THADA: variants seen among roughly 807,000 people sequenced by gnomAD.
THADA encodes the protein tRNA (32-2'-O)-methyltransferase regulator THADA.
In THADA, 213 loss-of-function variants were observed where a neutral mutation model predicts 219.8. The ratio of observed to expected loss-of-function variants is 0.97; its 90% confidence interval spans 0.87 to 1.09. THADA has a LOEUF of 1.09. Among genes scored for constraint, THADA ranks in the 50% least tolerant of loss-of-function variants. The pLI is 0.00. For synonymous variants in THADA, 1,018 were observed against 828.9 expected (o/e 1.23, Z -3.92); for missense variants, 2,956 against 2,311.3 (o/e 1.28, Z -5.72).
At chr2:43,530,820 C>A (rs1362751869) in intron 21 of THADA, among the ~76,000 whole-genome samples, 2 of 152,144 alleles carry the variant, frequency 1.3e-5, no homozygotes, top group Non-Finnish European at 2.9e-5. Flanking sequence ...AGAAGTATGA[C>A]CAGTGGGTGG....
chr2:43,264,288 CTTTTTTT>C (rs397868826), intron 36 of THADA, among the ~76,000 whole-genome samples: 1 of 141,174 alleles, frequency 7.1e-6, no homozygotes, highest in Admixed American at 7.2e-5. Context: ...TTTTTCTTTT[CTTTTTTT>C]TTTTTTTGAG....
At chr2:43,556,642 A>G (rs1316330864) in intron 16 of THADA, 87 bp from the exon 17 acceptor site, 2 of 1,277,044 alleles carry the variant, frequency 1.6e-6, no homozygotes, top group Non-Finnish European at 2.1e-6. Flanking sequence ...CACAGCCTGG[A>G]GCTGAGTACA....
At chr2:43,588,819 G>A (rs1405568125) in intron 4 of THADA, among the ~76,000 whole-genome samples, 1 of 151,832 alleles carries the variant, frequency 6.6e-6, no homozygotes, top group Non-Finnish European at 1.5e-5. Flanking sequence ...CCACTTCTTG[G>A]AATTTATCTC....
intron 22 of THADA, among the ~76,000 whole-genome samples, chr2:43,520,766 A>G (rs1692324150): frequency 6.6e-6 from 1 of 151,798 alleles, no homozygotes; most frequent in Non-Finnish European, 1.5e-5. Context: ...AACAACAACA[A>G]CAAACGGTTT....
chr2:43,425,374 A>C (rs1678280239), intron 28 of THADA, among the ~76,000 whole-genome samples: 1 of 151,702 alleles, frequency 6.6e-6, no homozygotes, highest in African/African-American at 2.4e-5. Context: ...GTCAAAATCT[A>C]CTTCTTAATA....
chr2:43,482,558 G>A (rs1294203803), intron 26 of THADA, among the ~76,000 whole-genome samples: 4 of 152,196 alleles, frequency 2.6e-5, no homozygotes, highest in African/African-American at 4.8e-5. Context: ...TTTTGTCTCA[G>A]TTGATTATAG....
chr2:43,363,349 T>C (rs1669742853), intron 29 of THADA, among the ~76,000 whole-genome samples: 1 of 152,190 alleles, frequency 6.6e-6, no homozygotes, highest in African/African-American at 2.4e-5. Context: ...TTAGCCCCAT[T>C]ATAATCTTAT....
At chr2:43,341,103 C>G (rs1199502372) in intron 30 of THADA, among the ~76,000 whole-genome samples, 1 of 152,220 alleles carries the variant, frequency 6.6e-6, no homozygotes, top group Admixed American at 6.5e-5. Context: ...ATTTCAGGCT[C>G]TGAACACATT....
intron 36 of THADA, chr2:43,277,124 ACTGCTGCCAG>A (rs1370928919): frequency 6.6e-6 from 1 of 152,092 alleles, no homozygotes; most frequent in African/African-American, 2.4e-5. Flanking sequence ...CATCACACAC[ACTGCTGCCAG>A]AGATTCCACA....
At chr2:43,594,660 C>G (rs983515529) in intron 1 of THADA, among the ~76,000 whole-genome samples, 9 of 152,114 alleles carry the variant, frequency 5.9e-5, no homozygotes, top group Admixed American at 5.9e-4. Context: ...TCTGACCCTG[C>G]CTTCCTCCAC....
intron 21 of THADA, among the ~76,000 whole-genome samples, chr2:43,536,670 C>T (rs77787499): frequency 0.081 from 12,285 of 151,834 alleles, 557 homozygotes; most frequent in South Asian, 0.14. Flanking sequence ...CACCAACAGA[C>T]TAATTAGGGG....
chr2:43,497,231 T>C (rs181915112), intron 25 of THADA, among the ~76,000 whole-genome samples: 9 of 152,276 alleles, frequency 5.9e-5, no homozygotes, highest in South Asian at 4.1e-4. Flanking sequence ...TAAAGATATA[T>C]GAAACATATG....
intron 17 of THADA, chr2:43,556,093 T>C (rs1697305106): frequency 1.2e-6 from 1 of 862,880 alleles, no homozygotes; most frequent in Non-Finnish European, 1.5e-6. Context: ...AAAGAGGTCA[T>C]TCTCATTTCA....
At chr2:43,305,498 C>A (rs944960614) in intron 31 of THADA, among the ~76,000 whole-genome samples, 1 of 152,190 alleles carries the variant, frequency 6.6e-6, no homozygotes, top group African/African-American at 2.4e-5. Context: ...CACACACACC[C>A]CTTGGAAAAC....
At chr2:43,532,214 C>T (rs996571038) in intron 21 of THADA, among the ~76,000 whole-genome samples, 1 of 151,670 alleles carries the variant, frequency 6.6e-6, no homozygotes, top group African/African-American at 2.4e-5. Flanking sequence ...GAGTTCGAGT[C>T]CAGCCTGGAC....
Position 43,376,256 on chromosome 2 carries a change from C to T in THADA, c.4227+21715G>A, listed in dbSNP as rs1671372062. On this transcript the variant is annotated intron_variant, in intron 29 of 37. Coordinates refer to ENST00000405975, the MANE Select transcript of THADA (RefSeq NM_022065.5). ...TGCTGTATGCACTCCTGAAGTAATA[C>T]CCTCTTTATGATTATTTGTTTTCTA... 2.0e-5 allele frequency among the ~76,000 whole-genome samples: 3 copies of T among 152,246 alleles called. No individual in the cohort carries two copies. In the South Asian group the frequency reaches 6.2e-4, roughly 32 times the overall value.
At chr2:43,543,743 T>C (rs527990215) in intron 20 of THADA, among the ~76,000 whole-genome samples, 1 of 152,228 alleles carries the variant, frequency 6.6e-6, no homozygotes, top group Non-Finnish European at 1.5e-5. Context: ...TAAATTTGTT[T>C]TGAGTTCATT....
chr2:43,428,320 G>A, intron 27 of THADA, 89 bp from the exon 28 acceptor site: 3 of 1,319,564 alleles, frequency 2.3e-6, no homozygotes, highest in Non-Finnish European at 3.1e-6. Context: ...AAATAATTAT[G>A]TATATGGCCG....
intron 36 of THADA, among the ~76,000 whole-genome samples, chr2:43,253,464 A>C (rs1670012650): frequency 6.6e-6 from 1 of 151,826 alleles, no homozygotes; most frequent in African/African-American, 2.4e-5. Context: ...CTCAACTCTC[A>C]CTCATGACAT....
Sources: gnomAD v4.1 joint callset for allele counts (sites outside exome capture counted in the v4.1 genomes callset) on GRCh38, gnomAD v4.1.1 for gene constraint, MANE v1.5 for transcripts, NCBI Gene and HGNC (gene_info 2026-07-23, HGNC 2026-07-21) for gene names.